The following TRMT44 variants were observed in gnomAD, a reference collection of about 807,000 sequenced individuals.
TRMT44 encodes the protein tRNA methyltransferase 44 homolog.
Under a neutral mutation model 77.3 loss-of-function variants are expected in TRMT44, and 78 were observed. The ratio of observed to expected loss-of-function variants is 1.01; its 90% confidence interval spans 0.84 to 1.22. TRMT44 has a LOEUF of 1.22. TRMT44 is among the 50% of genes most tolerant of loss of function. The pLI is 0.00. For synonymous variants in TRMT44, 391 were observed against 383.3 expected (o/e 1.02, Z -0.23); for missense variants, 1,090 against 964.4 (o/e 1.13, Z -1.73).
intron 2 of TRMT44, among the ~76,000 whole-genome samples, chr4:8,485,680 C>G (rs572392715): frequency 1.3e-5 from 2 of 151,802 alleles, no homozygotes; most frequent in African/African-American, 4.8e-5. Context: ...GGGAGAAGGG[C>G]GGCAATGAGA....
At chr4:8,501,357 T>G in the TRMT44 span, among the ~76,000 whole-genome samples, 1 of 152,260 alleles carries the variant, frequency 6.6e-6, no homozygotes, top group South Asian at 2.1e-4. The surrounding 1 kb of genome is among the most constrained non-coding windows in gnomAD (Gnocchi z 4.4). Context: ...GCTGCTGCTA[T>G]TAATAGCAGC....
intron 2 of TRMT44, among the ~76,000 whole-genome samples, chr4:8,483,020 C>T (rs957418317): frequency 1.3e-5 from 2 of 151,776 alleles, no homozygotes; most frequent in African/African-American, 2.4e-5. Flanking sequence ...AGGATGATTT[C>T]GTGGTAAGGG....
At chr4:8,464,395 C>G (rs1414087715) in intron 7 of TRMT44, among the ~76,000 whole-genome samples, 1 of 152,262 alleles carries the variant, frequency 6.6e-6, no homozygotes, top group African/African-American at 2.4e-5. Flanking sequence ...TATTTATATC[C>G]GGTGTCAAAA....
chr4:8,454,304 T>A (rs1725646590), intron 5 of TRMT44: 1 of 172,082 alleles, frequency 5.8e-6, no homozygotes, highest in South Asian at 1.6e-4. Context: ...CAGTACACCT[T>A]CTTACCTGCC....
chr4:8,452,658 C>G lies in TRMT44; in HGVS notation c.1024-224C>G, dbSNP rs565555522. ...CTGAGGCAGGAGAATTGCTTGAACC[C>G]AGGAGGCGGAGGTTGCAGTGACCAG... On this transcript the variant is annotated intron_variant, in intron 4 of 10. Coordinates refer to ENST00000389737, the MANE Select transcript of TRMT44 (RefSeq NM_152544.3). This position sits in a 1 kb window ranked among gnomAD's most constrained non-coding sequence, Gnocchi z 5.7. Among the ~76,000 whole-genome samples, 3 of 151,934 alleles carry G rather than the reference C, an allele frequency of 2.0e-5. No individual in the cohort carries two copies. Among genetic ancestry groups the G allele is most frequent in the Non-Finnish European group, 4.4e-5 (3 of 68,006 alleles).
At chr4:8,455,495 T>A (rs887218746) in intron 6 of TRMT44, among the ~76,000 whole-genome samples, 19 of 152,234 alleles carry the variant, frequency 1.2e-4, no homozygotes, top group African/African-American at 4.6e-4. Flanking sequence ...GCCAGTCCTC[T>A]TTACCCTTGA....
chr4:8,494,248 C>A (rs1475967467), downstream of TRMT44, among the ~76,000 whole-genome samples: 1 of 151,496 alleles, frequency 6.6e-6, no homozygotes, highest in Non-Finnish European at 1.5e-5. Context: ...CAATTTGTTC[C>A]CTAGGAAATT....
rs559673729 is a variant in TRMT44, at chr4:8,468,167, G to T, written c.1748G>T (p.Gly583Val). Residue 583 changes from glycine (G) to valine (V), a missense_variant, in exon 9 of 11, where the codon GGA (glycine) becomes GTA (valine). Gly to Val is a moderately radical substitution (Grantham distance 109, BLOSUM62 -3). Transcript: ENST00000389737. ...CATGGAGCAGGGCCCCAGGCTGAAG[G>T]ACCCTGGCTACCTGGATTTCATCCC... ...AEHGAGPQAE[G>V]PWLPGFHPRE... The T allele has an allele frequency of 2.0e-5, 33 of 1,614,128 alleles. No individual in the cohort carries two copies. The East Asian group carries it at 7.4e-4, about 36-fold the overall frequency.
downstream of TRMT44, among the ~76,000 whole-genome samples, chr4:8,496,609 A>G (rs1728158256): frequency 6.6e-6 from 1 of 152,172 alleles, no homozygotes; most frequent in Non-Finnish European, 1.5e-5. Context: ...GAGGTCCCCA[A>G]GAAGGAAAGT....
At chr4:8,473,984 T>G (rs1294249927) in intron 10 of TRMT44, among the ~76,000 whole-genome samples, 1 of 152,244 alleles carries the variant, frequency 6.6e-6, no homozygotes, top group Non-Finnish European at 1.5e-5. Context: ...TTAGACACCC[T>G]GCAGGTCCTG....
the TRMT44 span, among the ~76,000 whole-genome samples, chr4:8,502,564 C>T: frequency 6.6e-6 from 1 of 152,344 alleles, no homozygotes; most frequent in South Asian, 2.1e-4. Flanking sequence ...GCAGGCTCTG[C>T]ATCCACACTC....
At chr4:8,511,237 AACAC>A in the TRMT44 span, among the ~76,000 whole-genome samples, 1 of 152,314 alleles carries the variant, frequency 6.6e-6, no homozygotes, top group Non-Finnish European at 1.5e-5. Flanking sequence ...CGTTCCTGAA[AACAC>A]ACACAGTCTG....
At chr4:8,464,191 A>G (rs1226362745) in intron 7 of TRMT44, 100 bp downstream of exon 7, 1 of 838,614 alleles carries the variant, frequency 1.2e-6, no homozygotes, top group African/African-American at 1.7e-5. Flanking sequence ...GCAGTTGTCA[A>G]GCACTTGAAA....
In TRMT44 at chr4:8,461,777, C is replaced by T. The variant is rs1726171098; in HGVS notation, c.1204-2208C>T. On this transcript the variant is annotated intron_variant, in intron 6 of 10. Coordinates refer to ENST00000389737, the MANE Select transcript of TRMT44 (RefSeq NM_152544.3). This position sits in a 1 kb window ranked among gnomAD's most constrained non-coding sequence, Gnocchi z 4.6. ...GTTAAATAAATGCCAGGAGTTCTGTCATGCTTTCTGCCTTGGAGGAGCATG... is the reference window on the plus strand; with the variant it reads ...GTTAAATAAATGCCAGGAGTTCTGTTATGCTTTCTGCCTTGGAGGAGCATG... Among the ~76,000 whole-genome samples the T allele has an allele frequency of 6.6e-6, 1 of 152,098 alleles. No homozygotes were observed.
chr4:8,500,659 C>CTTT, the TRMT44 span, among the ~76,000 whole-genome samples: 14,144 of 140,422 alleles, frequency 0.1, 731 homozygotes, highest in Middle Eastern at 0.12. Flanking sequence ...GCACTGTTTA[C>CTTT]TTTTTTTTTT....
intron 2 of TRMT44, among the ~76,000 whole-genome samples, chr4:8,490,629 C>G (rs892088444): frequency 2.4e-4 from 36 of 152,294 alleles, no homozygotes; most frequent in Admixed American, 2.2e-3. Flanking sequence ...AGGAGTGAAG[C>G]TGCAGACCTT....
At chr4:8,504,319 T>C in the TRMT44 span, among the ~76,000 whole-genome samples, 5 of 152,084 alleles carry the variant, frequency 3.3e-5, no homozygotes, top group African/African-American at 1.2e-4. This position sits in a 1 kb window ranked among gnomAD's most constrained non-coding sequence, Gnocchi z 5.3. Context: ...GGGAATCCCC[T>C]CTGCCCGTGC....
At chr4:8,481,741 A>G (rs1390305903) in intron 2 of TRMT44, among the ~76,000 whole-genome samples, 1 of 152,258 alleles carries the variant, frequency 6.6e-6, no homozygotes, top group Non-Finnish European at 1.5e-5. Context: ...ACACAGAGTC[A>G]GGATCATCAA....
rs1478337368 is a variant in TRMT44 at position 8,468,321 on chromosome 4, G to A, written c.1902G>A (p.Gly634=). The change falls in exon 9 of 11, where the codon GGG becomes GGA. Residue 634 remains glycine, a synonymous_variant. Transcript: ENST00000389737. ...KQLNTRSSRN[G]SLKTWNGGES... ...TAAACACAAGAAGTTCTCGAAATGG[G>A]AGTTTGAAGACCTGGAATGGGGGAG... is the stretch of plus-strand genomic sequence containing the variant. 3.1e-6 allele frequency: 5 copies of A among 1,614,166 alleles called. No homozygotes were observed. The highest frequency in any genetic ancestry group is 1.3e-5 in the African/African-American group (1 of 75,052).
Sources: gnomAD v4.1 joint callset for allele counts (sites outside exome capture counted in the v4.1 genomes callset) on GRCh38, gnomAD v4.1.1 for gene constraint, Gnocchi (gnomAD v3.1) non-coding constraint, MANE v1.5 for transcripts, NCBI Gene and HGNC (gene_info 2026-07-23, HGNC 2026-07-21) for gene names.